Variants in SPMAP2L observed in about 807,000 individuals in gnomAD.
SPMAP2L encodes sperm microtubule associated protein 2 like.
the SPMAP2L span, among the ~76,000 whole-genome samples, chr4:56,536,127 G>C: frequency 6.6e-6 from 1 of 152,190 alleles, no homozygotes; most frequent in African/African-American, 2.4e-5. Flanking sequence ...GTGTAGCCTG[G>C]CTCCTAACAG....
the SPMAP2L span, among the ~76,000 whole-genome samples, chr4:56,549,347 A>G: frequency 9.4e-4 from 143 of 152,232 alleles, 1 homozygote; most frequent in African/African-American, 3.3e-3. Context: ...CTTGTTACTT[A>G]GTAGATCTGA....
chr4:56,621,571 T>A, the SPMAP2L span, among the ~76,000 whole-genome samples: 9 of 152,214 alleles, frequency 5.9e-5, no homozygotes, highest in African/African-American at 2.2e-4. Flanking sequence ...GATATGTGTG[T>A]GGAATCTGCT....
the SPMAP2L span, among the ~76,000 whole-genome samples, chr4:56,571,745 G>A: frequency 5.3e-5 from 8 of 152,184 alleles, no homozygotes; most frequent in African/African-American, 1.9e-4. Flanking sequence ...CTACTCAGGA[G>A]GCTGAGAGGG....
the SPMAP2L span, among the ~76,000 whole-genome samples, chr4:56,572,890 C>A: frequency 6.6e-6 from 1 of 152,004 alleles, no homozygotes; most frequent in Admixed American, 6.6e-5. Context: ...GTGGTGCACA[C>A]CTATAATTCT....
chr4:56,604,456 A>G, the SPMAP2L span, among the ~76,000 whole-genome samples: 1 of 152,122 alleles, frequency 6.6e-6, no homozygotes, highest in Non-Finnish European at 1.5e-5. Context: ...TCAGGGGTTC[A>G]AGACCAGCCT....
At chr4:56,560,347 C>G in the SPMAP2L span, among the ~76,000 whole-genome samples, 1 of 152,230 alleles carries the variant, frequency 6.6e-6, no homozygotes, top group South Asian at 2.1e-4. Context: ...TTCACCTTGC[C>G]CTCTCAATAT....
the SPMAP2L span, chr4:56,593,061 G>T: frequency 4.4e-6 from 7 of 1,585,598 alleles, no homozygotes; most frequent in Non-Finnish European, 6.1e-6. Flanking sequence ...TCCTATATTG[G>T]CATGGGCTAT....
the SPMAP2L span, chr4:56,601,004 A>G: frequency 2.0e-5 from 31 of 1,535,486 alleles, no homozygotes; most frequent in East Asian, 7.3e-4. Context: ...AAGTCTGTTC[A>G]TCAAGATTAT....
At chr4:56,588,224 C>A in the SPMAP2L span, among the ~76,000 whole-genome samples, 1 of 152,156 alleles carries the variant, frequency 6.6e-6, no homozygotes, top group South Asian at 2.1e-4. Flanking sequence ...AGTCCTTTGT[C>A]AGATGTATGG....
the SPMAP2L span, among the ~76,000 whole-genome samples, chr4:56,611,694 A>G: frequency 2.6e-5 from 4 of 152,212 alleles, no homozygotes; most frequent in Non-Finnish European, 5.9e-5. Flanking sequence ...CCAGGAAGCT[A>G]AACCACAGCC....
chr4:56,578,990 C>A, the SPMAP2L span, among the ~76,000 whole-genome samples: 1 of 151,850 alleles, frequency 6.6e-6, no homozygotes, highest in Non-Finnish European at 1.5e-5. Context: ...GAGCAAAAAC[C>A]TGATAGAATT....
chr4:56,611,088 A>G, the SPMAP2L span, among the ~76,000 whole-genome samples: 674 of 152,318 alleles, frequency 4.4e-3, 7 homozygotes, highest in African/African-American at 0.015. Flanking sequence ...CAATCCCACT[A>G]CTGGTTATCT....
chr4:56,548,898 T>C, the SPMAP2L span: 2 of 1,040,580 alleles, frequency 1.9e-6, no homozygotes, highest in Non-Finnish European at 2.6e-6. Flanking sequence ...GCAGATTCAT[T>C]TGACGTGGGT....
At chr4:56,559,415 A>G in the SPMAP2L span, 19 of 1,522,068 alleles carry the variant, frequency 1.2e-5, no homozygotes, top group Non-Finnish European at 1.7e-5. Flanking sequence ...GGAAATCAAG[A>G]TCCTATTCGC....
At chr4:56,534,414 C>T in the SPMAP2L span, among the ~76,000 whole-genome samples, 2 of 152,208 alleles carry the variant, frequency 1.3e-5, no homozygotes, top group African/African-American at 2.4e-5. Flanking sequence ...GAATCCTCCT[C>T]TTCCCAGCCT....
At chr4:56,543,887 AGAGAGAGAGTGTGT>A in the SPMAP2L span, among the ~76,000 whole-genome samples, 6 of 129,732 alleles carry the variant, frequency 4.6e-5, no homozygotes, top group African/African-American at 1.8e-4. Flanking sequence ...AGAGAGAGAG[AGAGAGAGAGTGTGT>A]GTGTGTGTGT....
the SPMAP2L span, among the ~76,000 whole-genome samples, chr4:56,534,602 C>T: frequency 6.6e-6 from 1 of 152,126 alleles, no homozygotes; most frequent in African/African-American, 2.4e-5. Flanking sequence ...ATTGATTTAT[C>T]GTCCCCGCTT....
At chr4:56,607,337 G>A in the SPMAP2L span, among the ~76,000 whole-genome samples, 10 of 152,262 alleles carry the variant, frequency 6.6e-5, no homozygotes, top group Middle Eastern at 0.014. Flanking sequence ...ACCAGATACC[G>A]AATCTATTGG....
the SPMAP2L span, among the ~76,000 whole-genome samples, chr4:56,582,850 G>A: frequency 6.6e-6 from 1 of 152,136 alleles, no homozygotes; most frequent in South Asian, 2.1e-4. Context: ...TACACAAAAT[G>A]TGGCAATCCA....
Sources: allele counts gnomAD v4.1 joint callset (sites outside exome capture counted in the v4.1 genomes callset), GRCh38; gene constraint gnomAD v4.1.1; transcripts MANE v1.5; gene names NCBI Gene and HGNC (gene_info 2026-07-23, HGNC 2026-07-21).